The following NOL4 variants were observed in gnomAD, a reference collection of about 807,000 sequenced individuals.
NOL4 encodes the protein cancer/testis antigen 125.
Under a neutral mutation model 75.9 loss-of-function variants are expected in NOL4, and 17 were observed. The observed-to-expected ratio is 0.22, with a 90% CI of 0.15 to 0.34. NOL4 has a LOEUF of 0.34. Among genes scored for constraint, NOL4 ranks in the 10% least tolerant of loss-of-function variants. The probability of loss-of-function intolerance (pLI) is 1.00; values close to 1 mark genes in which losing one functional copy is unlikely to be tolerated. For missense variants in NOL4, 614 were observed against 793.5 expected (o/e 0.77, Z 2.72); for synonymous variants, 292 against 289.9 (o/e 1.01, Z -0.07).
chr18:33,899,143 T>C (rs188589675), intron 9 of NOL4, among the ~76,000 whole-genome samples: 13 of 152,266 alleles, frequency 8.5e-5, no homozygotes, highest in Admixed American at 7.9e-4. Context: ...AATACACAAG[T>C]AACAATGTTG....
intron 1 of NOL4, among the ~76,000 whole-genome samples, chr18:34,188,410 G>A (rs2034654621): frequency 6.6e-6 from 1 of 152,116 alleles, no homozygotes. Flanking sequence ...AACATATAGT[G>A]GGGCTATGTC....
chr18:33,984,993 G>A (rs2072316083), intron 6 of NOL4, among the ~76,000 whole-genome samples: 1 of 151,908 alleles, frequency 6.6e-6, no homozygotes, highest in Non-Finnish European at 1.5e-5. Flanking sequence ...GACCTTGGAC[G>A]ATTTATTTTA....
intron 5 of NOL4, among the ~76,000 whole-genome samples, chr18:34,071,420 TAGACAGAC>T (rs1249111535): frequency 8.6e-6 from 1 of 116,816 alleles, no homozygotes; most frequent in Non-Finnish European, 1.8e-5. Context: ...TATACACAAA[TAGACAGAC>T]AGACAGACAG....
At chr18:34,019,176 G>A (rs1169788789) in intron 6 of NOL4, 142 bp downstream of exon 6, 3 of 666,058 alleles carry the variant, frequency 4.5e-6, no homozygotes, top group Admixed American at 6.0e-5. Context: ...AATATGCTTG[G>A]TGATAAGTTT....
chr18:33,924,830 C>G (rs1203338790), intron 9 of NOL4, among the ~76,000 whole-genome samples: 1 of 152,070 alleles, frequency 6.6e-6, no homozygotes, highest in Non-Finnish European at 1.5e-5. Context: ...AATATTTGAT[C>G]TAGGGTGTTG....
chr18:34,062,206 TA>T (rs1050672081), intron 5 of NOL4, among the ~76,000 whole-genome samples: 5 of 151,150 alleles, frequency 3.3e-5, no homozygotes, highest in African/African-American at 7.3e-5. Flanking sequence ...CACTGAACTT[TA>T]AAAAAAAAGT....
chr18:34,065,213 A>G (rs1165687771), intron 5 of NOL4, among the ~76,000 whole-genome samples: 2 of 151,858 alleles, frequency 1.3e-5, no homozygotes. Flanking sequence ...ACACACATAT[A>G]ATTTAGTTTA....
chr18:34,093,766 G>A (rs1038030094), intron 4 of NOL4, among the ~76,000 whole-genome samples, 169 bp from the exon 5 acceptor site: 6 of 152,196 alleles, frequency 3.9e-5, no homozygotes, highest in South Asian at 2.1e-4. Flanking sequence ...TGGGCCGGGC[G>A]TGGTGGCTCA....
intron 1 of NOL4, among the ~76,000 whole-genome samples, chr18:34,157,991 T>G (rs888847313): frequency 1.3e-5 from 2 of 152,154 alleles, no homozygotes; most frequent in Non-Finnish European, 2.9e-5. Flanking sequence ...ATGAAATTAT[T>G]AAGTATCCCA....
chr18:34,162,805 C>A (rs529132738), intron 1 of NOL4, among the ~76,000 whole-genome samples: 9 of 152,172 alleles, frequency 5.9e-5, no homozygotes, highest in Non-Finnish European at 1.3e-4. Flanking sequence ...GAATTTTAGA[C>A]CAATATCCTG....
At chr18:33,854,045 A>G (rs2062734939) in intron 10 of NOL4, among the ~76,000 whole-genome samples, 1 of 152,156 alleles carries the variant, frequency 6.6e-6, no homozygotes, top group African/African-American at 2.4e-5. Context: ...AAATCCTTGA[A>G]TAAAACAGTA....
chr18:33,888,753 C>T (rs1001031365), intron 9 of NOL4, among the ~76,000 whole-genome samples: 1 of 151,896 alleles, frequency 6.6e-6, no homozygotes, highest in Non-Finnish European at 1.5e-5. Flanking sequence ...ATTTCTGAGG[C>T]CTCTGCTCTG....
chr18:34,151,865 T>C (rs1157387013), intron 1 of NOL4, among the ~76,000 whole-genome samples: 1 of 151,722 alleles, frequency 6.6e-6, no homozygotes, highest in Non-Finnish European at 1.5e-5. Flanking sequence ...CTATTTAAAA[T>C]GAGAGGGGGA....
At chr18:33,985,105 A>G (rs1195792298) in intron 6 of NOL4, among the ~76,000 whole-genome samples, 1 of 152,144 alleles carries the variant, frequency 6.6e-6, no homozygotes, top group African/African-American at 2.4e-5. Context: ...ACAAAAACTG[A>G]TCAAAAATTA....
chr18:33,877,826 T>TTGTGTGTG (rs113939972), intron 10 of NOL4, among the ~76,000 whole-genome samples: 2 of 148,230 alleles, frequency 1.3e-5, no homozygotes, highest in East Asian at 2.0e-4. Context: ...TGTTGTGTGA[T>TTGTGTGTG]TGTGTGTGTG....
At chr18:33,924,549 T>G (rs1373612736) in intron 9 of NOL4, among the ~76,000 whole-genome samples, 1 of 152,200 alleles carries the variant, frequency 6.6e-6, no homozygotes, top group Non-Finnish European at 1.5e-5. Context: ...TTTGTGATGC[T>G]ATGCAAGAAG....
At chr18:34,067,037 A>G (rs1282333603) in intron 5 of NOL4, among the ~76,000 whole-genome samples, 1 of 152,140 alleles carries the variant, frequency 6.6e-6, no homozygotes, top group East Asian at 1.9e-4. Context: ...TCCTACTTAT[A>G]TTCCAATGGG....
At chr18:33,854,448 A>G (rs2062751741) in intron 10 of NOL4, among the ~76,000 whole-genome samples, 1 of 152,048 alleles carries the variant, frequency 6.6e-6, no homozygotes, top group African/African-American at 2.4e-5. Flanking sequence ...CTATTTACAA[A>G]ATCATGAGAC....
chr18:34,140,438 C>A (rs933807847), intron 1 of NOL4, among the ~76,000 whole-genome samples: 2 of 152,054 alleles, frequency 1.3e-5, no homozygotes, highest in Non-Finnish European at 2.9e-5. Flanking sequence ...ATGTAATGGC[C>A]TTCTTTGTCT....
Sources: gnomAD v4.1 joint callset for allele counts (sites outside exome capture counted in the v4.1 genomes callset) on GRCh38, gnomAD v4.1.1 for gene constraint, MANE v1.5 for transcripts, NCBI Gene and HGNC (gene_info 2026-07-23, HGNC 2026-07-21) for gene names.